Variants in PCDHGA5 observed in about 807,000 individuals in gnomAD.
The protein encoded by PCDHGA5 is protocadherin gamma subfamily A, 5.
A neutral mutation model predicts 56.7 loss-of-function variants in PCDHGA5; 36 were observed. That is an observed-to-expected ratio of 0.64 (90% confidence interval 0.49 to 0.84). PCDHGA5 has a LOEUF of 0.84. PCDHGA5 is among the 40% of genes least tolerant of loss of function. The pLI, the probability that PCDHGA5 is intolerant of heterozygous loss-of-function variation, is 0.00. For synonymous variants in PCDHGA5, 563 were observed against 520.2 expected, an observed-to-expected ratio of 1.08 and a Z score of -1.12; for missense variants, 1,305 against 1,201.5, an observed-to-expected ratio of 1.09 and a Z score of -1.27.
chr5:141,452,358 T>C (rs2098739424), intron 1 of PCDHGA5, among the ~76,000 whole-genome samples: 1 of 152,236 alleles, frequency 6.6e-6, no homozygotes, highest in African/African-American at 2.4e-5. Context: ...CCAAAAGCCT[T>C]GCTTCATTTT....
chr5:141,394,588 T>C, intron 1 of PCDHGA5: 5 of 1,613,660 alleles, frequency 3.1e-6, no homozygotes, highest in Non-Finnish European at 4.2e-6. Flanking sequence ...ACCAAGGTGG[T>C]GGCGGTGGAC....
chr5:141,409,809 A>T (rs754765049), intron 1 of PCDHGA5: 62 of 1,611,424 alleles, frequency 3.8e-5, no homozygotes, highest in Non-Finnish European at 7.6e-6. Context: ...CAGGCCCGCG[A>T]CCACGGCTCG....
chr5:141,489,546 C>T lies in PCDHGA5; in HGVS notation c.2422-5261C>T, dbSNP rs1404605129. ...GCCTATGTGGAGCCAGCACCAGCTGCCTGCTGCCAGTGCAGGTGGTGACTG... is the reference window on the plus strand; with the variant it reads ...GCCTATGTGGAGCCAGCACCAGCTGTCTGCTGCCAGTGCAGGTGGTGACTG... On this transcript the variant is annotated intron_variant, in intron 1 of 3. Coordinates refer to ENST00000518069, the MANE Select transcript of PCDHGA5 (RefSeq NM_018918.3). The surrounding 1 kb of genome is among the most constrained non-coding windows in gnomAD (Gnocchi z 4.5). 2 of 1,614,076 alleles carry T rather than the reference C, an allele frequency of 1.2e-6. No homozygotes were observed. The highest frequency in any genetic ancestry group is 2.2e-5 in the East Asian group (1 of 44,868).
At position 141,366,646 on chromosome 5, in the gene PCDHGA5, GC is replaced by G; in HGVS notation, c.2319del (p.Asn774ThrfsTer19). The G allele has an allele frequency of 6.2e-7, 1 of 1,614,248 alleles. No homozygotes were observed. Among genetic ancestry groups the G allele is most frequent in the South Asian group, 1.1e-5 (1 of 91,084 alleles). On this transcript the variant is annotated frameshift_variant, in exon 1 of 4. Transcript: ENST00000518069. LOFTEE classifies it high-confidence loss of function. ...GGAAGAGTCACCTGATCTTTCCCCA[GC>G]CCAACTACGCAGACACGCTCCTTAG... Reference protein sequence around the residue: ...SRKSHLIFPQPNYADTLLSEE... With the variant: ...SRKSHLIFPQXNYADTLLSEE...
chr5:141,489,314 G>T lies in PCDHGA5; in HGVS notation c.2422-5493G>T. ...TGCATGTTGTCCTTGTGCTGCTGGG[G>T]CTGGGTGTCTGGGCAGCTTCGTTAC... On this transcript the variant is annotated intron_variant, in intron 1 of 3. Transcript: ENST00000518069. This position sits in a 1 kb window ranked among gnomAD's most constrained non-coding sequence, Gnocchi z 4.5. 6.3e-7 allele frequency: 1 copy of T among 1,596,908 alleles called. No individual in the cohort carries two copies. The highest frequency in any genetic ancestry group is 8.5e-7 in the Non-Finnish European group (1 of 1,170,694).
chr5:141,378,596 C>T (rs866872764), intron 1 of PCDHGA5: 2 of 152,150 alleles, frequency 1.3e-5, no homozygotes, highest in Non-Finnish European at 2.9e-5. Context: ...TGTCTGCTTA[C>T]AGGACATATC....
chr5:141,414,210 T>C (rs1252033650), intron 1 of PCDHGA5: 1 of 1,612,706 alleles, frequency 6.2e-7, no homozygotes, highest in East Asian at 2.2e-5. Flanking sequence ...AAGATGTAAA[T>C]GACAACAGTC....
chr5:141,433,140 C>T (rs1394486228), intron 1 of PCDHGA5: 4 of 1,613,948 alleles, frequency 2.5e-6, no homozygotes, highest in African/African-American at 1.3e-5. Flanking sequence ...CTTTTGCTGT[C>T]AGGTGATTCG....
chr5:141,445,537 G>A (rs1266179512), intron 1 of PCDHGA5, among the ~76,000 whole-genome samples: 1 of 152,182 alleles, frequency 6.6e-6, no homozygotes, highest in African/African-American at 2.4e-5. Flanking sequence ...AAGCCAACAA[G>A]GAGAAATACA....
chr5:141,438,983 T>C (rs1296267457), intron 1 of PCDHGA5, among the ~76,000 whole-genome samples: 1 of 151,930 alleles, frequency 6.6e-6, no homozygotes, highest in Non-Finnish European at 1.5e-5. Context: ...TGACTTATCT[T>C]AAAAGGCTAA....
intron 1 of PCDHGA5, chr5:141,371,961 G>T (rs532361069): frequency 3.1e-6 from 5 of 1,613,240 alleles, no homozygotes; most frequent in Admixed American, 1.7e-5. Flanking sequence ...CTTCGACCAC[G>T]AGCAGCTGCG....
At chr5:141,383,401 CAG>C (rs1246270441) in intron 1 of PCDHGA5, 1 of 1,614,016 alleles carries the variant, frequency 6.2e-7, no homozygotes. Context: ...GAACTCCCTC[CAG>C]AGTTACCAGC....
intron 1 of PCDHGA5, chr5:141,415,515 G>C: frequency 6.2e-7 from 1 of 1,614,152 alleles, no homozygotes; most frequent in Non-Finnish European, 8.5e-7. Flanking sequence ...CCAATTATGC[G>C]GACACGCTCA....
At chr5:141,383,733 A>T (rs770047743) in intron 1 of PCDHGA5, 2 of 1,613,886 alleles carry the variant, frequency 1.2e-6, no homozygotes, top group African/African-American at 2.7e-5. Context: ...GGGAAGTGAC[A>T]TATTCTTTTC....
chr5:141,367,486 G>A (rs1765164408), intron 1 of PCDHGA5: 1 of 152,108 alleles, frequency 6.6e-6, no homozygotes, highest in African/African-American at 2.4e-5. Context: ...GCAGTAAGCC[G>A]AGATCGCGCC....
At chr5:141,463,338 G>A (rs1005543705) in intron 1 of PCDHGA5, among the ~76,000 whole-genome samples, 2 of 150,742 alleles carry the variant, frequency 1.3e-5, no homozygotes, top group African/African-American at 2.4e-5. Flanking sequence ...CAAAACCATG[G>A]TGTTATTCTT....
chr5:141,489,042 A>T lies in PCDHGA5; in HGVS notation c.2422-5765A>T. On this transcript the variant is annotated intron_variant, in intron 1 of 3. Coordinates refer to ENST00000518069, the MANE Select transcript of PCDHGA5 (RefSeq NM_018918.3). This position sits in a 1 kb window ranked among gnomAD's most constrained non-coding sequence, Gnocchi z 4.5. ...TCTCCTCCTCCAGCTCCCCAGCTCCACTCAAATTCAGCTCCCCTCCCCCCT... is the reference window on the plus strand; with the variant it reads ...TCTCCTCCTCCAGCTCCCCAGCTCCTCTCAAATTCAGCTCCCCTCCCCCCT... The T allele has an allele frequency of 4.2e-6, 2 of 473,800 alleles. No individual in the cohort carries two copies. The highest frequency in any genetic ancestry group is 3.7e-6 in the Non-Finnish European group (1 of 270,920). 29.3% of individuals were successfully genotyped at this position (473,800 alleles called of 1,614,324 possible).
intron 1 of PCDHGA5, chr5:141,414,410 G>A (rs1216701146): frequency 1.2e-6 from 2 of 1,613,856 alleles, no homozygotes; most frequent in Non-Finnish European, 1.7e-6. Context: ...GTGATACACA[G>A]AGCCCTTGAC....
chr5:141,455,388 A>C (rs1415223043), intron 1 of PCDHGA5, among the ~76,000 whole-genome samples: 1 of 152,086 alleles, frequency 6.6e-6, no homozygotes, highest in Non-Finnish European at 1.5e-5. Context: ...AGAAGGAAGG[A>C]GCTCCCCCTT....
Sources: allele counts gnomAD v4.1 joint callset (sites outside exome capture counted in the v4.1 genomes callset), GRCh38; gene constraint gnomAD v4.1.1; non-coding constraint Gnocchi (gnomAD v3.1); transcripts MANE v1.5; gene names NCBI Gene and HGNC (gene_info 2026-07-23, HGNC 2026-07-21).